The following GHR variants were observed in gnomAD, a reference collection of about 807,000 sequenced individuals.
GHR encodes GH receptor.
In GHR, 35 loss-of-function variants were observed where a neutral mutation model predicts 67.1. The observed-to-expected ratio is 0.52, with a 90% CI of 0.40 to 0.69. The LOEUF (loss-of-function observed/expected upper bound fraction) is 0.69. GHR is among the 30% of genes least tolerant of loss of function. The pLI is 0.00. For synonymous variants in GHR, 272 were observed against 269.1 expected, an observed-to-expected ratio of 1.01 and a Z score of -0.10; for missense variants, 792 against 764.6, an observed-to-expected ratio of 1.04 and a Z score of -0.42.
intron 1 of GHR, among the ~76,000 whole-genome samples, chr5:42,474,236 A>G (rs1745140543): frequency 6.9e-6 from 1 of 144,098 alleles, no homozygotes; most frequent in Non-Finnish European, 1.5e-5. Context: ...AGAAAAAGAA[A>G]GAAAGAGAGA....
In GHR at chr5:42,635,461, A is replaced by T. The variant is rs552902882; in HGVS notation, c.136+6358A>T. Among the ~76,000 whole-genome samples, 6 of 152,352 alleles carry T rather than the reference A, an allele frequency of 3.9e-5. No homozygotes were observed. The South Asian group carries it at 1.2e-3, about 32-fold the overall frequency. The stretch of plus-strand genomic sequence containing the variant: ...AGGTAAGTAAAATATTAATTAAAGC[A>T]TACAACTATATTAATAATTAAAACA... On this transcript the variant is annotated intron_variant, in intron 3 of 9. Transcript: ENST00000230882.
At chr5:42,477,150 G>A (rs1311630215) in intron 1 of GHR, among the ~76,000 whole-genome samples, 3 of 149,578 alleles carry the variant, frequency 2.0e-5, no homozygotes, top group Non-Finnish European at 4.4e-5. Context: ...TTTTTTCCTT[G>A]CGATACTTTG....
chr5:42,456,673 T>C (rs1744276271), intron 1 of GHR, among the ~76,000 whole-genome samples: 1 of 152,238 alleles, frequency 6.6e-6, no homozygotes, highest in African/African-American at 2.4e-5. Flanking sequence ...GGCATTGTCA[T>C]TTGTGAAAAC....
intron 1 of GHR, among the ~76,000 whole-genome samples, chr5:42,471,783 C>A (rs1745022779): frequency 6.6e-6 from 1 of 152,112 alleles, no homozygotes; most frequent in Non-Finnish European, 1.5e-5. Context: ...TCTTAGGCAG[C>A]TTAGGAGTTT....
At chr5:42,580,115 C>G (rs1751078686) in intron 2 of GHR, among the ~76,000 whole-genome samples, 1 of 152,104 alleles carries the variant, frequency 6.6e-6, no homozygotes, top group Non-Finnish European at 1.5e-5. Flanking sequence ...TACTATGATT[C>G]AGTGAACATA....
chr5:42,470,048 ATAAT>A (rs1245748153), intron 1 of GHR, among the ~76,000 whole-genome samples: 1 of 134,468 alleles, frequency 7.4e-6, no homozygotes, highest in African/African-American at 2.8e-5. Context: ...TACTACTAAT[ATAAT>A]TAATAATGTG....
intron 1 of GHR, among the ~76,000 whole-genome samples, chr5:42,474,295 G>GAGAA (rs59927289): frequency 0.025 from 2,032 of 81,122 alleles, 83 homozygotes; most frequent in Middle Eastern, 0.058. Flanking sequence ...AAAAGAGAAA[G>GAGAA]AGAAAGAAAG....
intron 1 of GHR, chr5:42,467,562 T>C: frequency 1.3e-6 from 2 of 1,545,780 alleles, no homozygotes; most frequent in Non-Finnish European, 1.8e-6. Context: ...AGGTTTTTTC[T>C]AAGGAGAGGT....
Position 42,718,698 on chromosome 5 carries a change from T to A in GHR, c.1191T>A (p.Thr397=). 2 of 1,614,204 alleles carry A rather than the reference T, an allele frequency of 1.2e-6. 1 individual carries two copies. ...TSCCEPDILE[T]DFNANDIHEG... ...GTTGTGAACCTGACATTCTGGAGAC[T>A]GATTTCAATGCCAATGACATACATG... is the stretch of plus-strand genomic sequence containing the variant. Residue 397 remains threonine, a synonymous_variant, in exon 10 of 10, where the codon ACT becomes ACA. Coordinates refer to ENST00000230882, the MANE Select transcript of GHR (RefSeq NM_000163.5).
At chr5:42,653,021 G>A (rs928663226) in intron 3 of GHR, among the ~76,000 whole-genome samples, 1 of 152,084 alleles carries the variant, frequency 6.6e-6, no homozygotes, top group Non-Finnish European at 1.5e-5. Flanking sequence ...TTTACAAAAG[G>A]ATTACGATCA....
intron 2 of GHR, among the ~76,000 whole-genome samples, chr5:42,596,081 C>T (rs191724513): frequency 2.5e-4 from 38 of 152,168 alleles, no homozygotes; most frequent in African/African-American, 8.7e-4. Flanking sequence ...TAGGCTTATC[C>T]GCATATGCAG....
chr5:42,710,021 G>A (rs1432445501), intron 6 of GHR, among the ~76,000 whole-genome samples: 1 of 151,542 alleles, frequency 6.6e-6, no homozygotes, highest in South Asian at 2.1e-4. Context: ...AGAAATAAGG[G>A]CTTTGAGGAT....
In GHR at chr5:42,628,026, G is replaced by A. The variant is rs567685890; in HGVS notation, c.71-1012G>A. On this transcript the variant is annotated intron_variant, in intron 2 of 9. Transcript: ENST00000230882. ...GGGAAGGTGAACTTCCTCTGAAGTC[G>A]GGCAGCCCAGTGGCTGGACTCTTCT... is the stretch of plus-strand genomic sequence containing the variant. Among the ~76,000 whole-genome samples, 495 of 152,196 alleles carry A rather than the reference G, an allele frequency of 3.3e-3. 1 individual carries two copies. The highest frequency in any genetic ancestry group is 0.011 in the African/African-American group (470 of 41,504).
chr5:42,517,851 C>T (rs952934532), intron 1 of GHR, among the ~76,000 whole-genome samples: 7 of 151,650 alleles, frequency 4.6e-5, no homozygotes, highest in Non-Finnish European at 7.4e-5. Context: ...CAAAAGCTTG[C>T]GTGTTTTCTC....
chr5:42,424,399 G>T lies in GHR; in HGVS notation c.-12+444G>T. ...GCCATCATCTGCCTGGCTGCGGCAGGAACTGCCGAGGCTGCTGCTGTTGCG... is the reference window on the plus strand; with the variant it reads ...GCCATCATCTGCCTGGCTGCGGCAGTAACTGCCGAGGCTGCTGCTGTTGCG... On this transcript the variant is annotated intron_variant, in intron 1 of 9. Transcript: ENST00000230882. This position sits in a 1 kb window ranked among gnomAD's most constrained non-coding sequence, Gnocchi z 4.1. The T allele has an allele frequency of 6.7e-6, 4 of 601,248 alleles. No individual in the cohort carries two copies. Among genetic ancestry groups the T allele is most frequent in the Non-Finnish European group, 1.2e-5 (4 of 336,682 alleles). 37.2% of individuals were successfully genotyped at this position (601,248 alleles called of 1,614,324 possible). A position where few individuals can be genotyped will look rare whatever the true frequency, so the allele number is the denominator to read the frequency against.
chr5:42,424,431 A>G lies in GHR; in HGVS notation c.-12+476A>G. Reference sequence around the variant, plus strand: ...CGAGGCTGCTGCTGTTGCGCGGGGAAGAATCCCCGGCAGCGCGACTGGAGA... The same window carrying G: ...CGAGGCTGCTGCTGTTGCGCGGGGAGGAATCCCCGGCAGCGCGACTGGAGA... On this transcript the variant is annotated intron_variant, in intron 1 of 9. Transcript: ENST00000230882. The surrounding 1 kb of genome is among the most constrained non-coding windows in gnomAD (Gnocchi z 4.1). The G allele has an allele frequency of 1.6e-6, 1 of 629,506 alleles. No homozygotes were observed. Among genetic ancestry groups the G allele is most frequent in the South Asian group, 1.9e-5 (1 of 53,970 alleles). 39.0% of individuals were successfully genotyped at this position (629,506 alleles called of 1,614,324 possible). A position where few individuals can be genotyped will look rare whatever the true frequency, so the allele number is the denominator to read the frequency against.
At chr5:42,666,635 G>A (rs920666528) in intron 3 of GHR, among the ~76,000 whole-genome samples, 7 of 151,990 alleles carry the variant, frequency 4.6e-5, no homozygotes, top group African/African-American at 1.5e-4. Context: ...CAATACCTAC[G>A]AAAGACCCAT....
intron 6 of GHR, among the ~76,000 whole-genome samples, chr5:42,700,561 C>T (rs922699115): frequency 4.6e-5 from 7 of 152,160 alleles, no homozygotes; most frequent in African/African-American, 1.7e-4. Flanking sequence ...CTCTGAATCC[C>T]TCTCTTCCTT....
chr5:42,440,029 C>T (rs999564356), intron 1 of GHR, among the ~76,000 whole-genome samples: 12 of 152,154 alleles, frequency 7.9e-5, no homozygotes, highest in Admixed American at 4.6e-4. Context: ...TATTGATAGC[C>T]TGAGTGTGAA....
Sources: allele counts gnomAD v4.1 joint callset (sites outside exome capture counted in the v4.1 genomes callset), GRCh38; gene constraint gnomAD v4.1.1; non-coding constraint Gnocchi (gnomAD v3.1); transcripts MANE v1.5; gene names NCBI Gene and HGNC (gene_info 2026-07-23, HGNC 2026-07-21).